The following AGO2 variants were observed in gnomAD, a reference collection of about 807,000 sequenced individuals.
The protein encoded by AGO2 is argonaute RISC catalytic component 2.
In AGO2, 5 loss-of-function variants were observed where a neutral mutation model predicts 102.3. The ratio of observed to expected loss-of-function variants is 0.05; its 90% CI spans 0.03 to 0.10. The LOEUF (loss-of-function observed/expected upper bound fraction) is 0.10. Among genes scored for constraint, AGO2 ranks in the 10% least tolerant of loss-of-function variants. The pLI is 1.00. For synonymous variants in AGO2, 449 were observed against 473.1 expected (o/e 0.95, Z 0.66); for missense variants, 541 against 1,183.7 (o/e 0.46, Z 7.97).
At position 140,528,410 on chromosome 8, in the gene AGO2, G is replaced by A. The variant is rs2072538233; in HGVS notation, c.*3634C>T. 1 of 152,132 alleles carries A rather than the reference G, an allele frequency of 6.6e-6. No homozygotes were observed. The highest frequency in any genetic ancestry group is 6.5e-5 in the Admixed American group (1 of 15,274). The allele number at this position is 152,132 out of a possible 1,614,324, so 9.4% of individuals were successfully genotyped here. On this transcript the variant is annotated 3_prime_UTR_variant, in exon 19 of 19. Coordinates refer to ENST00000220592, the MANE Select transcript of AGO2 (RefSeq NM_012154.5). The surrounding 1 kb of genome is among the most constrained non-coding windows in gnomAD (Gnocchi z 4.5). ...CCCCCCACCTACTAACCCCACTACA[G>A]GAACTGAACTGACATGATCTGTTCT... is the stretch of plus-strand genomic sequence containing the variant.
intron 1 of AGO2, among the ~76,000 whole-genome samples, chr8:140,610,126 G>A (rs2074057405): frequency 6.6e-6 from 1 of 151,642 alleles, no homozygotes; most frequent in Admixed American, 6.6e-5. Context: ...GATTGCTTGA[G>A]CCAGGGATGT....
chr8:140,566,440 T>C (rs2073285257), intron 3 of AGO2, among the ~76,000 whole-genome samples: 1 of 152,228 alleles, frequency 6.6e-6, no homozygotes, highest in Non-Finnish European at 1.5e-5. Flanking sequence ...CTTTTTGTTG[T>C]TCAAAGGCCA....
chr8:140,640,672 A>G, the AGO2 span, among the ~76,000 whole-genome samples: 1 of 152,172 alleles, frequency 6.6e-6, no homozygotes, highest in Admixed American at 6.5e-5. Context: ...GGCATGCGCC[A>G]CCATGCCCAG....
In AGO2 at chr8:140,523,122, ACTG is replaced by A. The variant is rs1486550115; in HGVS notation, c.*8919_*8921del. ...AGAAACTGCCAATTCACAAAACAGC[ACTG>A]CATGGTTTCTATATTGCAAGCACAA... is the stretch of plus-strand genomic sequence containing the variant. On this transcript the variant is annotated 3_prime_UTR_variant, in exon 19 of 19. Transcript: ENST00000220592. The A allele has an allele frequency of 6.6e-6, 1 of 152,194 alleles. No individual in the cohort carries two copies. Among genetic ancestry groups the A allele is most frequent in the African/African-American group, 2.4e-5 (1 of 41,448 alleles). The allele number at this position is 152,194 out of a possible 1,614,324, so 9.4% of individuals were successfully genotyped here.
At chr8:140,556,358 G>A in intron 8 of AGO2, 72 bp from the exon 9 acceptor site, 1 of 1,582,960 alleles carries the variant, frequency 6.3e-7, no homozygotes, top group Non-Finnish European at 8.6e-7. Context: ...AGGGGGCTCA[G>A]GGGCTGGTGG....
rs146171441 is a variant in AGO2 at position 140,583,143 on chromosome 8, G to A, written c.215+1976C>T. The stretch of plus-strand genomic sequence containing the variant: ...TGGGGCACTGTCTTCCTCCTGCCTC[G>A]GACATCAGAACTTCAGGCTCCCTTG... On this transcript the variant is annotated intron_variant, in intron 2 of 18. Transcript: ENST00000220592. Among the ~76,000 whole-genome samples, 72 of 152,298 alleles carry A rather than the reference G, an allele frequency of 4.7e-4. 2 individuals are homozygous for A. The East Asian group carries it at 9.7e-3, about 20-fold the overall frequency.
intron 17 of AGO2, 68 bp downstream of exon 17, chr8:140,535,400 G>A (rs1453344790): frequency 6.6e-7 from 1 of 1,523,818 alleles, no homozygotes; most frequent in East Asian, 2.3e-5. Flanking sequence ...GAGTGCAAGT[G>A]TTTGCTGAAT....
intron 1 of AGO2, among the ~76,000 whole-genome samples, chr8:140,603,977 C>G (rs2073962557): frequency 6.6e-6 from 1 of 152,242 alleles, no homozygotes; most frequent in Non-Finnish European, 1.5e-5. Context: ...GCCCCTCCCT[C>G]AGGGTGAAGG....
At chr8:140,537,739 T>C (rs1324305456) in intron 16 of AGO2, among the ~76,000 whole-genome samples, 1 of 152,238 alleles carries the variant, frequency 6.6e-6, no homozygotes, top group African/African-American at 2.4e-5. Context: ...TTTTTTTTCT[T>C]TACATAATTT....
At chr8:140,541,756 A>G (rs2072802013) in intron 14 of AGO2, among the ~76,000 whole-genome samples, 1 of 151,948 alleles carries the variant, frequency 6.6e-6, no homozygotes, top group Admixed American at 6.6e-5. Flanking sequence ...TATAAAAATG[A>G]GCTGGGCATG....
chr8:140,558,078 C>G (rs369252619), intron 7 of AGO2, among the ~76,000 whole-genome samples: 21 of 152,340 alleles, frequency 1.4e-4, no homozygotes, highest in East Asian at 5.8e-4. Context: ...TCTCACCCCC[C>G]ACTCCGGCCT....
chr8:140,575,631 T>A (rs2073452843), intron 2 of AGO2, among the ~76,000 whole-genome samples: 1 of 152,140 alleles, frequency 6.6e-6, no homozygotes, highest in Admixed American at 6.5e-5. Context: ...TTCATGAGGC[T>A]AGCAAAACCT....
At chr8:140,578,015 C>T (rs1254361151) in intron 2 of AGO2, among the ~76,000 whole-genome samples, 4 of 152,222 alleles carry the variant, frequency 2.6e-5, no homozygotes, top group African/African-American at 7.2e-5. Flanking sequence ...CTACAATGCA[C>T]ACCCGTGGAG....
chr8:140,618,195 C>T (rs1435583411), intron 1 of AGO2, among the ~76,000 whole-genome samples: 1 of 152,114 alleles, frequency 6.6e-6, no homozygotes, highest in East Asian at 1.9e-4. Context: ...TGGTGGGCGC[C>T]TGTAATCCCA....
chr8:140,608,122 G>C (rs1455268785), intron 1 of AGO2, among the ~76,000 whole-genome samples: 1 of 152,226 alleles, frequency 6.6e-6, no homozygotes, highest in Non-Finnish European at 1.5e-5. Context: ...ACACAGAGTG[G>C]TGATATGGGC....
intron 10 of AGO2, among the ~76,000 whole-genome samples, chr8:140,552,740 G>GCGCGCGCACACACA (rs111262864): frequency 1.8e-4 from 23 of 130,972 alleles, no homozygotes; most frequent in African/African-American, 2.4e-4. Flanking sequence ...GCGCGCGCGC[G>GCGCGCGCACACACA]CACACACACA....
At chr8:140,620,277 C>T (rs1378377959) in intron 1 of AGO2, among the ~76,000 whole-genome samples, 6 of 152,144 alleles carry the variant, frequency 3.9e-5, no homozygotes, top group African/African-American at 1.2e-4. Context: ...AGCTGTAGGC[C>T]GGGTAAGAGG....
intron 1 of AGO2, among the ~76,000 whole-genome samples, chr8:140,586,926 C>T (rs947647865): frequency 1.3e-5 from 2 of 152,202 alleles, no homozygotes; most frequent in Non-Finnish European, 2.9e-5. Context: ...TCCCAGCTTA[C>T]AAGGTGCTCA....
chr8:140,554,430 G>T (rs1274183874), intron 10 of AGO2, among the ~76,000 whole-genome samples: 1 of 152,176 alleles, frequency 6.6e-6, no homozygotes, highest in Non-Finnish European at 1.5e-5. Flanking sequence ...AGACACACAC[G>T]AACAGCAACA....
Sources: allele counts gnomAD v4.1 joint callset (sites outside exome capture counted in the v4.1 genomes callset), GRCh38; gene constraint gnomAD v4.1.1; non-coding constraint Gnocchi (gnomAD v3.1); transcripts MANE v1.5; gene names NCBI Gene and HGNC (gene_info 2026-07-23, HGNC 2026-07-21).